The following NCKAP5 variants were observed in gnomAD, a reference collection of about 807,000 sequenced individuals.
NCKAP5 encodes nck-associated protein 5.
A neutral mutation model predicts 167.0 loss-of-function variants in NCKAP5; 92 were observed. The observed-to-expected ratio is 0.55, with a 90% CI of 0.47 to 0.66. The LOEUF is 0.66. NCKAP5 is among the 30% of genes least tolerant of loss of function. The pLI is 0.00. For missense variants in NCKAP5, 2,378 were observed against 2,315.0 expected (o/e 1.03, Z -0.56); for synonymous variants, 891 against 877.4 (o/e 1.02, Z -0.27).
chr2:133,554,321 G>A (rs1437137187), intron 2 of NCKAP5: 1 of 152,160 alleles, frequency 6.6e-6, no homozygotes, highest in Non-Finnish European at 1.5e-5. Context: ...CTCAGGTTCT[G>A]TCCTCACTTG....
chr2:132,827,354 T>C (rs1286452808), intron 11 of NCKAP5, among the ~76,000 whole-genome samples: 1 of 152,164 alleles, frequency 6.6e-6, no homozygotes, highest in African/African-American at 2.4e-5. Flanking sequence ...CATTTGTAGA[T>C]CCTTTTTGGA....
intron 6 of NCKAP5, among the ~76,000 whole-genome samples, chr2:133,096,272 C>G (rs1165285223): frequency 6.6e-6 from 1 of 152,136 alleles, no homozygotes; most frequent in African/African-American, 2.4e-5. Context: ...AGGTGGAACA[C>G]TTGAGACCAG....
At chr2:132,929,018 T>C (rs1039649338) in intron 8 of NCKAP5, among the ~76,000 whole-genome samples, 20 of 151,896 alleles carry the variant, frequency 1.3e-4, no homozygotes, top group Admixed American at 1.2e-3. Flanking sequence ...CTGCACATAG[T>C]GGTGTGCACC....
intron 6 of NCKAP5, among the ~76,000 whole-genome samples, chr2:133,061,116 A>G (rs1166827450): frequency 1.3e-5 from 2 of 152,188 alleles, no homozygotes; most frequent in Non-Finnish European, 1.5e-5. Context: ...TATATTAAAA[A>G]TTTGCTTCAT....
chr2:132,684,818 G>C (rs1685719302), intron 19 of NCKAP5, among the ~76,000 whole-genome samples: 1 of 152,102 alleles, frequency 6.6e-6, no homozygotes, highest in Non-Finnish European at 1.5e-5. Flanking sequence ...ATCCCAAAAG[G>C]ACCAGAGGGA....
intron 4 of NCKAP5, among the ~76,000 whole-genome samples, chr2:133,246,557 G>A (rs1234634464): frequency 6.6e-6 from 1 of 152,184 alleles, no homozygotes; most frequent in Non-Finnish European, 1.5e-5. Context: ...ACATGGTGTG[G>A]GCAACGTAAG....
At chr2:132,870,103 C>G (rs941101355) in intron 9 of NCKAP5, among the ~76,000 whole-genome samples, 1 of 152,190 alleles carries the variant, frequency 6.6e-6, no homozygotes, top group Admixed American at 6.5e-5. Context: ...GCATATAACA[C>G]AATTCCAGCT....
chr2:132,968,601 G>C (rs1245816525), intron 7 of NCKAP5, among the ~76,000 whole-genome samples: 1 of 152,172 alleles, frequency 6.6e-6, no homozygotes, highest in African/African-American at 2.4e-5. Context: ...ACGTTGTCAA[G>C]GCACTCAGTG....
intron 19 of NCKAP5, among the ~76,000 whole-genome samples, chr2:132,683,326 A>G (rs1685496450): frequency 6.6e-6 from 1 of 152,210 alleles, no homozygotes; most frequent in Non-Finnish European, 1.5e-5. Flanking sequence ...GAGGGCAGGC[A>G]GATTTTAGGT....
chr2:133,243,735 G>A (rs1245457027), intron 4 of NCKAP5, among the ~76,000 whole-genome samples: 2 of 152,230 alleles, frequency 1.3e-5, no homozygotes, highest in Non-Finnish European at 2.9e-5. Flanking sequence ...GCTGCGAGGA[G>A]TAATAATGCC....
intron 19 of NCKAP5, among the ~76,000 whole-genome samples, chr2:132,704,959 C>T (rs143161238): frequency 7.2e-5 from 11 of 152,314 alleles, no homozygotes; most frequent in African/African-American, 2.4e-4. Flanking sequence ...CAGACTATTT[C>T]ACACTTTCTC....
chr2:133,547,188 G>A (rs944162858), intron 2 of NCKAP5, among the ~76,000 whole-genome samples: 4 of 152,108 alleles, frequency 2.6e-5, no homozygotes, highest in Middle Eastern at 3.2e-3. Context: ...AAAACGGCGC[G>A]CCACGAGATT....
At chr2:132,731,703 A>G in intron 17 of NCKAP5, 34 bp downstream of exon 17, 1 of 1,525,718 alleles carries the variant, frequency 6.6e-7, no homozygotes, top group Non-Finnish European at 8.8e-7. Context: ...TTGTCAGCAA[A>G]TGTCTTATTA....
At chr2:133,167,155 A>C (rs2149971267) in intron 5 of NCKAP5, among the ~76,000 whole-genome samples, 1 of 152,342 alleles carries the variant, frequency 6.6e-6, no homozygotes, top group Admixed American at 6.5e-5. Flanking sequence ...GTATCCTGTG[A>C]TGGGACTGAA....
At chr2:133,384,142 C>A (rs1686747211) in intron 3 of NCKAP5, among the ~76,000 whole-genome samples, 1 of 152,140 alleles carries the variant, frequency 6.6e-6, no homozygotes, top group Non-Finnish European at 1.5e-5. Context: ...ATGCCTATGT[C>A]CTGAATGGTA....
intron 3 of NCKAP5, among the ~76,000 whole-genome samples, chr2:133,365,548 T>C (rs748281059): frequency 1.3e-5 from 2 of 150,268 alleles, no homozygotes; most frequent in Non-Finnish European, 2.9e-5. Flanking sequence ...CACACACGTA[T>C]ATATACATAA....
chr2:133,216,921 T>C (rs2086453266), intron 4 of NCKAP5, among the ~76,000 whole-genome samples: 1 of 152,104 alleles, frequency 6.6e-6, no homozygotes, highest in African/African-American at 2.4e-5. Flanking sequence ...TGTACTACTT[T>C]GATTAAAAAA....
intron 8 of NCKAP5, chr2:132,954,776 T>C (rs1481778461): frequency 2.3e-6 from 1 of 428,394 alleles, no homozygotes; most frequent in Admixed American, 2.7e-5. Flanking sequence ...GTAATTACAA[T>C]TATTTTCTTA....
intron 3 of NCKAP5, among the ~76,000 whole-genome samples, chr2:133,304,934 C>G (rs1176049731): frequency 6.6e-6 from 1 of 152,104 alleles, no homozygotes; most frequent in Non-Finnish European, 1.5e-5. Flanking sequence ...CGTGAAGACT[C>G]CAGAAGAAGA....
Sources: gnomAD v4.1 joint callset for allele counts (sites outside exome capture counted in the v4.1 genomes callset) on GRCh38, gnomAD v4.1.1 for gene constraint, MANE v1.5 for transcripts, NCBI Gene and HGNC (gene_info 2026-07-23, HGNC 2026-07-21) for gene names.